The following ERBB4 variants were observed in gnomAD, a reference collection of about 807,000 sequenced individuals.
ERBB4 encodes the protein erb-b2 receptor tyrosine kinase 4.
ERBB4 carries 42 observed loss-of-function variants against 158.0 expected under a neutral mutation model. The observed-to-expected ratio is 0.27, with a 90% CI of 0.21 to 0.34. ERBB4 has a LOEUF of 0.34. Among genes scored for constraint, ERBB4 ranks in the 10% least tolerant of loss-of-function variants. The pLI, the probability that ERBB4 is intolerant of heterozygous loss-of-function variation, is 1.00. For synonymous variants in ERBB4, 583 were observed against 558.7 expected, an observed-to-expected ratio of 1.04 and a Z score of -0.61; for missense variants, 1,333 against 1,624.1, an observed-to-expected ratio of 0.82 and a Z score of 3.08.
chr2:211,878,777 C>A (rs1575302584), intron 3 of ERBB4, among the ~76,000 whole-genome samples: 2 of 150,672 alleles, frequency 1.3e-5, no homozygotes, highest in South Asian at 4.2e-4. Context: ...CCTGCCTCAG[C>A]CTCCCGAGTA....
chr2:212,392,315 C>A (rs1010215259), intron 1 of ERBB4, among the ~76,000 whole-genome samples: 9 of 151,776 alleles, frequency 5.9e-5, no homozygotes, highest in East Asian at 1.9e-4. Context: ...TAAAATAAAT[C>A]TTTAAAAAAA....
At chr2:211,538,621 T>C (rs2066717729) in intron 20 of ERBB4, among the ~76,000 whole-genome samples, 1 of 151,914 alleles carries the variant, frequency 6.6e-6, no homozygotes, top group Non-Finnish European at 1.5e-5. Flanking sequence ...ATGCTGTATG[T>C]GCAATCTGTA....
intron 25 of ERBB4, among the ~76,000 whole-genome samples, chr2:211,388,391 GT>G (rs1388697356): frequency 7.2e-5 from 11 of 152,112 alleles, no homozygotes; most frequent in African/African-American, 2.4e-4. Flanking sequence ...ATTGTCTGCT[GT>G]TATTTTTTCT....
intron 13 of ERBB4, among the ~76,000 whole-genome samples, chr2:211,676,116 G>T (rs1444437403): frequency 1.3e-5 from 2 of 152,156 alleles, no homozygotes; most frequent in South Asian, 4.1e-4. Flanking sequence ...ATGAAGTTGG[G>T]ATATAAACTG....
At chr2:211,558,053 G>A (rs72941351) in intron 20 of ERBB4, among the ~76,000 whole-genome samples, 34 of 152,260 alleles carry the variant, frequency 2.2e-4, no homozygotes, top group Non-Finnish European at 4.9e-4. Context: ...CTTATACAGG[G>A]GAGCTAAATG....
At chr2:211,542,752 A>T (rs983227463) in intron 20 of ERBB4, among the ~76,000 whole-genome samples, 64 of 151,904 alleles carry the variant, frequency 4.2e-4, no homozygotes, top group African/African-American at 1.5e-3. Flanking sequence ...TAAATAAACA[A>T]GGATAAATTT....
At chr2:211,801,334 C>T (rs1052749376) in intron 3 of ERBB4, among the ~76,000 whole-genome samples, 3 of 152,010 alleles carry the variant, frequency 2.0e-5, no homozygotes, top group East Asian at 1.9e-4. Context: ...GATTAAATAC[C>T]GCTCAATATC....
chr2:211,394,231 A>G (rs1431362915), intron 25 of ERBB4, among the ~76,000 whole-genome samples: 1 of 152,178 alleles, frequency 6.6e-6, no homozygotes, highest in Non-Finnish European at 1.5e-5. Context: ...GAAAGGGCAT[A>G]AAGAAATACA....
At chr2:212,530,586 C>T (rs1339414275) in intron 1 of ERBB4, among the ~76,000 whole-genome samples, 1 of 152,152 alleles carries the variant, frequency 6.6e-6, no homozygotes, top group Non-Finnish European at 1.5e-5. Context: ...GCTCAAGTCA[C>T]AGCTATACTT....
chr2:212,075,892 T>C (rs969711930), intron 2 of ERBB4, among the ~76,000 whole-genome samples: 1 of 151,958 alleles, frequency 6.6e-6, no homozygotes, highest in Non-Finnish European at 1.5e-5. Flanking sequence ...TTTCCAACAT[T>C]TTTTATTTCT....
intron 4 of ERBB4, among the ~76,000 whole-genome samples, chr2:211,783,629 G>A (rs2076087292): frequency 6.6e-6 from 1 of 152,146 alleles, no homozygotes; most frequent in African/African-American, 2.4e-5. Context: ...AGATAATCAC[G>A]TGGTTTTTAT....
At chr2:211,597,840 T>C (rs2068683601) in intron 19 of ERBB4, among the ~76,000 whole-genome samples, 1 of 152,122 alleles carries the variant, frequency 6.6e-6, no homozygotes, top group Non-Finnish European at 1.5e-5. Flanking sequence ...ATTTTTTAAT[T>C]CAAAAAAAAT....
At chr2:212,425,291 T>C (rs1432743064) in intron 1 of ERBB4, among the ~76,000 whole-genome samples, 1 of 140,782 alleles carries the variant, frequency 7.1e-6, no homozygotes, top group Non-Finnish European at 1.5e-5. Flanking sequence ...CAGATATATA[T>C]TTTACATATA....
intron 1 of ERBB4, among the ~76,000 whole-genome samples, chr2:212,188,526 A>C (rs183944725): frequency 2.0e-5 from 3 of 151,986 alleles, no homozygotes; most frequent in Admixed American, 1.3e-4. Context: ...AGTCTCCTAC[A>C]TAAAAGTATT....
chr2:211,444,353 A>G (rs148355435), intron 20 of ERBB4, among the ~76,000 whole-genome samples: 189 of 152,176 alleles, frequency 1.2e-3, no homozygotes, highest in African/African-American at 3.9e-3. Flanking sequence ...GTACATGGAG[A>G]AAAGCTGTAA....
chr2:212,534,641 T>G (rs966729272), intron 1 of ERBB4, among the ~76,000 whole-genome samples: 1 of 152,040 alleles, frequency 6.6e-6, no homozygotes, highest in Non-Finnish European at 1.5e-5. Flanking sequence ...AACAATATAC[T>G]TAGTGGCGGA....
chr2:211,844,574 C>T (rs1439233), intron 3 of ERBB4, among the ~76,000 whole-genome samples: 33,081 of 151,942 alleles, frequency 0.22, 3,721 homozygotes, highest in South Asian at 0.33. Flanking sequence ...TGTGGACTGT[C>T]GAGGGAGAAG....
intron 1 of ERBB4, among the ~76,000 whole-genome samples, chr2:212,353,735 T>C (rs1318151928): frequency 1.3e-5 from 2 of 152,046 alleles, no homozygotes; most frequent in Non-Finnish European, 2.9e-5. Flanking sequence ...TTATGAAACA[T>C]CAGGCTGTAG....
chr2:211,775,879 T>C (rs780167191), intron 4 of ERBB4, among the ~76,000 whole-genome samples: 9 of 152,194 alleles, frequency 5.9e-5, no homozygotes, highest in Admixed American at 1.3e-4. Context: ...CTAACGTTTT[T>C]TATGTGTATA....
Sources: gnomAD v4.1 joint callset for allele counts (sites outside exome capture counted in the v4.1 genomes callset) on GRCh38, gnomAD v4.1.1 for gene constraint, MANE v1.5 for transcripts, NCBI Gene and HGNC (gene_info 2026-07-23, HGNC 2026-07-21) for gene names.